LRMDA: variants seen among roughly 807,000 people sequenced by gnomAD.
The protein encoded by LRMDA is leucine-rich melanocyte differentiation-associated protein.
LRMDA carries 18 observed loss-of-function variants against 29.8 expected under a neutral mutation model. That is an observed-to-expected ratio of 0.60 (90% CI 0.42 to 0.90). The LOEUF (loss-of-function observed/expected upper bound fraction) is 0.90. Among genes scored for constraint, LRMDA ranks in the 40% least tolerant of loss-of-function variants. The pLI, the probability that LRMDA is intolerant of heterozygous loss-of-function variation, is 0.00. For synonymous variants in LRMDA, 125 were observed against 109.4 expected, an observed-to-expected ratio of 1.14 and a Z score of -0.89; for missense variants, 273 against 273.9, an observed-to-expected ratio of 1.00 and a Z score of 0.02.
intron 6 of LRMDA, among the ~76,000 whole-genome samples, chr10:76,441,386 G>A (rs147522648): frequency 6.6e-6 from 1 of 152,084 alleles, no homozygotes; most frequent in Non-Finnish European, 1.5e-5. Flanking sequence ...GTGAAACCTC[G>A]AGAAAATTAC....
intron 6 of LRMDA, among the ~76,000 whole-genome samples, chr10:76,422,270 G>T (rs954896380): frequency 6.6e-6 from 1 of 151,948 alleles, no homozygotes; most frequent in African/African-American, 2.4e-5. Context: ...GTCTCCACAC[G>T]CTCACTCTCC....
rs76598101 is a variant in LRMDA, at chr10:75,443,709, C to T, written c.131+5215C>T. Among the ~76,000 whole-genome samples the T allele has an allele frequency of 5.0e-3, 765 of 152,128 alleles. 10 individuals are homozygous for T. The highest frequency in any genetic ancestry group is 0.018 in the African/African-American group (732 of 41,514). ...AGGACAATGTTGGTCTTGTTAAGTA[C>T]GTTTGAAAGTGTTCCCTACTCTCCA... On this transcript the variant is annotated intron_variant, in intron 2 of 6. Transcript: ENST00000611255.
At chr10:76,271,420 A>AC (rs1840066834) in intron 5 of LRMDA, among the ~76,000 whole-genome samples, 2 of 151,998 alleles carry the variant, frequency 1.3e-5, no homozygotes, top group African/African-American at 4.8e-5. Context: ...AAAAAAAAAA[A>AC]ATTCCTACCT....
At chr10:76,458,212 T>A (rs1842477849) in intron 6 of LRMDA, among the ~76,000 whole-genome samples, 2 of 150,752 alleles carry the variant, frequency 1.3e-5, no homozygotes, top group Non-Finnish European at 2.9e-5. Flanking sequence ...TAGAGGGGAG[T>A]CACCCCTCTC....
chr10:75,632,782 G>GTTTTTTTTTTT (rs386371855), intron 2 of LRMDA, among the ~76,000 whole-genome samples: 52 of 43,252 alleles, frequency 1.2e-3, no homozygotes, highest in Non-Finnish European at 2.0e-3. Flanking sequence ...GTTTAGTTTA[G>GTTTTTTTTTTT]TTTTTTTTTT....
intron 5 of LRMDA, among the ~76,000 whole-genome samples, chr10:76,183,969 A>C (rs746807074): frequency 6.6e-6 from 1 of 150,880 alleles, no homozygotes; most frequent in African/African-American, 2.4e-5. Context: ...GTGATGCTCC[A>C]CCTTGGCCTT....
chr10:76,141,459 T>G (rs1208517940), intron 5 of LRMDA, among the ~76,000 whole-genome samples: 1 of 152,168 alleles, frequency 6.6e-6, no homozygotes, highest in Non-Finnish European at 1.5e-5. Context: ...AAAGATCATG[T>G]GTAATTAACA....
intron 5 of LRMDA, among the ~76,000 whole-genome samples, chr10:76,309,035 GATAAC>G (rs1429229498): frequency 6.6e-6 from 1 of 151,808 alleles, no homozygotes; most frequent in Non-Finnish European, 1.5e-5. Context: ...AAAAAAAGTT[GATAAC>G]AGCTGGGATT....
chr10:76,250,110 ATTT>A (rs1431402411), intron 5 of LRMDA, among the ~76,000 whole-genome samples: 1 of 152,086 alleles, frequency 6.6e-6, no homozygotes, highest in Non-Finnish European at 1.5e-5. Context: ...TGGGCCACAA[ATTT>A]TTCATTTAAC....
intron 5 of LRMDA, among the ~76,000 whole-genome samples, chr10:76,104,781 T>C (rs753739529): frequency 4.6e-5 from 7 of 152,272 alleles, no homozygotes; most frequent in Middle Eastern, 6.8e-3. Flanking sequence ...GCCGTGTTTG[T>C]GGCTCACCCC....
chr10:75,565,160 G>A lies in LRMDA; in HGVS notation c.131+126666G>A, dbSNP rs543037438. ...CCCAGATGGGGAGATTCTCTATGCC[G>A]TCCTGACTTGTCTCAGAACTGTCAC... is the stretch of plus-strand genomic sequence containing the variant. On this transcript the variant is annotated intron_variant, in intron 2 of 6. Coordinates refer to ENST00000611255, the MANE Select transcript of LRMDA (RefSeq NM_001305581.2). 1.7e-3 allele frequency among the ~76,000 whole-genome samples: 266 copies of A among 152,306 alleles called. 1 individual carries two copies. The highest frequency in any genetic ancestry group is 2.9e-3 in the Non-Finnish European group (195 of 68,030).
chr10:75,541,650 G>C (rs1840018769), intron 2 of LRMDA, among the ~76,000 whole-genome samples: 1 of 152,136 alleles, frequency 6.6e-6, no homozygotes, highest in Non-Finnish European at 1.5e-5. Flanking sequence ...AGGGTGAAAA[G>C]TTTGACCTCA....
chr10:76,357,846 A>C (rs1841261369), intron 6 of LRMDA, among the ~76,000 whole-genome samples: 1 of 152,094 alleles, frequency 6.6e-6, no homozygotes, highest in Non-Finnish European at 1.5e-5. Context: ...TCCGTCTGTA[A>C]ACTCCCTGTA....
chr10:75,803,853 C>T (rs1191031497), intron 2 of LRMDA, among the ~76,000 whole-genome samples: 1 of 152,194 alleles, frequency 6.6e-6, no homozygotes, highest in Admixed American at 6.5e-5. Context: ...TCTTTTCTGT[C>T]TGAGTGGGAC....
intron 5 of LRMDA, among the ~76,000 whole-genome samples, chr10:76,181,042 A>G (rs1851039777): frequency 6.6e-6 from 1 of 152,056 alleles, no homozygotes; most frequent in African/African-American, 2.4e-5. Context: ...AGTCTTCTCA[A>G]AGTGTCTCCC....
intron 6 of LRMDA, among the ~76,000 whole-genome samples, chr10:76,363,177 G>GAAAGAAA (rs1314060766): frequency 0.032 from 350 of 11,024 alleles, 19 homozygotes; most frequent in Middle Eastern, 0.083. Context: ...AAGAAAGAAA[G>GAAAGAAA]GAGGGAGGGA....
intron 6 of LRMDA, among the ~76,000 whole-genome samples, chr10:76,504,420 G>T (rs747629360): frequency 7.2e-5 from 11 of 151,998 alleles, no homozygotes; most frequent in Non-Finnish European, 1.3e-4. Context: ...AGTAAAGTCT[G>T]TCAGTGGAGT....
chr10:76,243,143 C>G (rs1011844420), intron 5 of LRMDA, among the ~76,000 whole-genome samples: 1 of 152,114 alleles, frequency 6.6e-6, no homozygotes, highest in Admixed American at 6.5e-5. Context: ...TTCTCCCGTC[C>G]GTATCACGAC....
chr10:75,687,758 G>T (rs1842100247), intron 2 of LRMDA, among the ~76,000 whole-genome samples: 1 of 152,194 alleles, frequency 6.6e-6, no homozygotes, highest in Non-Finnish European at 1.5e-5. Flanking sequence ...TGAATGCCTG[G>T]CTTCAAAGCA....
Sources: gnomAD v4.1 joint callset for allele counts (sites outside exome capture counted in the v4.1 genomes callset) on GRCh38, gnomAD v4.1.1 for gene constraint, MANE v1.5 for transcripts, NCBI Gene and HGNC (gene_info 2026-07-23, HGNC 2026-07-21) for gene names.